GAB2: variants seen among roughly 807,000 people sequenced by gnomAD.
GAB2 encodes the protein GRB2 associated binding protein 2.
GAB2 carries 26 observed loss-of-function variants against 65.5 expected under a neutral mutation model. The ratio of observed to expected loss-of-function variants is 0.40; its 90% CI spans 0.29 to 0.55. The LOEUF (loss-of-function observed/expected upper bound fraction) is 0.55, where lower values mean the gene tolerates loss of function less well. Among genes scored for constraint, GAB2 ranks in the 20% least tolerant of loss-of-function variants. The pLI is 0.53. For synonymous variants in GAB2, 321 were observed against 329.6 expected (o/e 0.97, Z 0.28); for missense variants, 884 against 875.8 (o/e 1.01, Z -0.12).
chr11:78,293,999 G>A (rs984098552), intron 1 of GAB2, among the ~76,000 whole-genome samples: 4 of 152,118 alleles, frequency 2.6e-5, no homozygotes, highest in African/African-American at 9.7e-5. Flanking sequence ...CATGTGCCAT[G>A]TTGGTGTGCT....
chr11:78,368,994 C>T (rs552709839), intron 1 of GAB2, among the ~76,000 whole-genome samples: 9 of 151,702 alleles, frequency 5.9e-5, no homozygotes, highest in African/African-American at 1.2e-4. Context: ...TTTATATTTA[C>T]GGGCATGGTG....
At chr11:78,327,183 C>T (rs951754656) in intron 1 of GAB2, among the ~76,000 whole-genome samples, 1 of 152,236 alleles carries the variant, frequency 6.6e-6, no homozygotes, top group Admixed American at 6.5e-5. Flanking sequence ...AATTTTAATC[C>T]TCATGTCATA....
At chr11:78,383,438 CT>C (rs199986722) in intron 1 of GAB2, among the ~76,000 whole-genome samples, 2 of 148,878 alleles carry the variant, frequency 1.3e-5, no homozygotes. Flanking sequence ...ATGTCTTTTT[CT>C]TTTTTTTTAA....
In GAB2 at chr11:78,216,618, A is replaced by T. The variant is rs570535764; in HGVS notation, c.*2654T>A. On this transcript the variant is annotated 3_prime_UTR_variant, in exon 10 of 10. Transcript: ENST00000361507. ...AAGGAAGCCTCCTGGTAGTTACCAGAATAGGGGGCTGGAAGGAAGCCTCCT... is the reference window on the plus strand; with the variant it reads ...AAGGAAGCCTCCTGGTAGTTACCAGTATAGGGGGCTGGAAGGAAGCCTCCT... 6.7e-6 allele frequency: 1 copy of T among 150,030 alleles called. No individual in the cohort carries two copies. Among genetic ancestry groups the T allele is most frequent in the Admixed American group, 6.6e-5 (1 of 15,156 alleles). The allele number at this position is 150,030 out of a possible 1,614,324, so 9.3% of individuals were successfully genotyped here.
At chr11:78,339,918 A>G (rs2134689562) in intron 1 of GAB2, among the ~76,000 whole-genome samples, 1 of 152,350 alleles carries the variant, frequency 6.6e-6, no homozygotes, top group Middle Eastern at 3.4e-3. Context: ...ACAAATGTGA[A>G]CAATCAGCTC....
chr11:78,293,159 G>C (rs1290967761), intron 1 of GAB2, among the ~76,000 whole-genome samples: 1 of 152,190 alleles, frequency 6.6e-6, no homozygotes, highest in African/African-American at 2.4e-5. Flanking sequence ...CTCAAATGCA[G>C]ATCCCCTAGA....
At chr11:78,329,611 C>T (rs756287522) in intron 1 of GAB2, among the ~76,000 whole-genome samples, 6 of 152,008 alleles carry the variant, frequency 3.9e-5, no homozygotes, top group East Asian at 3.9e-4. Flanking sequence ...AAGTACAAGG[C>T]GAGCTGGCTG....
chr11:78,394,768 GC>G (rs1445954765), intron 1 of GAB2, among the ~76,000 whole-genome samples: 1 of 152,176 alleles, frequency 6.6e-6, no homozygotes, highest in Admixed American at 6.5e-5. Context: ...CAAAACGGCT[GC>G]CCAATAAGCA....
At chr11:78,279,574 C>T (rs1866273809) in intron 2 of GAB2, among the ~76,000 whole-genome samples, 2 of 152,042 alleles carry the variant, frequency 1.3e-5, no homozygotes, top group Non-Finnish European at 2.9e-5. Flanking sequence ...AACATTTTTA[C>T]CACTCCAAGA....
intron 1 of GAB2, among the ~76,000 whole-genome samples, chr11:78,329,558 G>C (rs1855880819): frequency 6.6e-6 from 1 of 152,056 alleles, no homozygotes; most frequent in Admixed American, 6.6e-5. Flanking sequence ...CATATAGTAG[G>C]CACTCACTCA....
At chr11:78,226,279 A>C (rs112502126) in intron 4 of GAB2, among the ~76,000 whole-genome samples, 186 bp downstream of exon 4, 1 of 152,234 alleles carries the variant, frequency 6.6e-6, no homozygotes, top group Non-Finnish European at 1.5e-5. Flanking sequence ...TACTACTAAC[A>C]GCCTCCAGTG....
At chr11:78,408,330 G>A (rs147349779) in intron 1 of GAB2, among the ~76,000 whole-genome samples, 10 of 152,102 alleles carry the variant, frequency 6.6e-5, no homozygotes, top group African/African-American at 2.2e-4. Context: ...ATTATAAGAC[G>A]ACACCAACTG....
At chr11:78,295,272 G>C (rs1321327558) in intron 1 of GAB2, among the ~76,000 whole-genome samples, 1 of 152,028 alleles carries the variant, frequency 6.6e-6, no homozygotes, top group Non-Finnish European at 1.5e-5. Context: ...TAGACTTTCC[G>C]GGTCAATAAA....
intron 1 of GAB2, among the ~76,000 whole-genome samples, chr11:78,294,687 T>A (rs1387525777): frequency 1.3e-5 from 2 of 152,238 alleles, no homozygotes; most frequent in African/African-American, 4.8e-5. Context: ...GCTAGCCATA[T>A]GTAGAAAGCT....
chr11:78,317,084 G>C (rs905340658), intron 1 of GAB2, among the ~76,000 whole-genome samples: 5 of 152,210 alleles, frequency 3.3e-5, no homozygotes, highest in Non-Finnish European at 5.9e-5. Flanking sequence ...GGCAAGCCTA[G>C]AGTAGCCAGA....
At chr11:78,273,907 C>T (rs146497833) in intron 2 of GAB2, among the ~76,000 whole-genome samples, 2 of 152,296 alleles carry the variant, frequency 1.3e-5, no homozygotes, top group African/African-American at 4.8e-5. Flanking sequence ...TCTCGGCCTG[C>T]TGCCACTGAT....
At chr11:78,228,450 C>T (rs1864751022) in intron 3 of GAB2, among the ~76,000 whole-genome samples, 1 of 152,292 alleles carries the variant, frequency 6.6e-6, no homozygotes, top group Non-Finnish European at 1.5e-5. Flanking sequence ...ATCTCGTATA[C>T]ATATAAACTT....
At chr11:78,322,868 G>T (rs1295954288) in intron 1 of GAB2, among the ~76,000 whole-genome samples, 1 of 151,734 alleles carries the variant, frequency 6.6e-6, no homozygotes, top group Non-Finnish European at 1.5e-5. Context: ...TACACTGTTG[G>T]TGGGAATGTA....
At chr11:78,414,252 A>AT (rs569101406) in intron 1 of GAB2, among the ~76,000 whole-genome samples, 5 of 151,470 alleles carry the variant, frequency 3.3e-5, no homozygotes, top group Admixed American at 1.3e-4. Flanking sequence ...GACTGGATTA[A>AT]TTTTTTTTTC....
Sources: gnomAD v4.1 joint callset for allele counts (sites outside exome capture counted in the v4.1 genomes callset) on GRCh38, gnomAD v4.1.1 for gene constraint, MANE v1.5 for transcripts, NCBI Gene and HGNC (gene_info 2026-07-23, HGNC 2026-07-21) for gene names.